VWA8: variants seen among roughly 807,000 people sequenced by gnomAD.
VWA8 encodes the protein von Willebrand factor A domain containing 8.
Under a neutral mutation model 241.5 loss-of-function variants are expected in VWA8, and 221 were observed. That is an observed-to-expected ratio of 0.91 (90% CI 0.82 to 1.02). VWA8 has a LOEUF of 1.02. VWA8 is among the 50% of genes least tolerant of loss of function. The pLI is 0.00. For missense variants in VWA8, 2,322 were observed against 2,328.7 expected (o/e 1.00, Z 0.06); for synonymous variants, 852 against 827.1 (o/e 1.03, Z -0.52).
intron 9 of VWA8, among the ~76,000 whole-genome samples, chr13:41,871,204 A>C (rs1873589850): frequency 6.6e-6 from 1 of 152,244 alleles, no homozygotes; most frequent in African/African-American, 2.4e-5. Context: ...ACTTCCTAGC[A>C]AGAAGTAGAA....
chr13:41,906,187 C>T (rs190073187), intron 4 of VWA8, among the ~76,000 whole-genome samples: 7 of 152,150 alleles, frequency 4.6e-5, no homozygotes, highest in Non-Finnish European at 8.8e-5. Flanking sequence ...ATGTGAATAT[C>T]CTATTCCTCA....
At chr13:41,650,542 ATTCTCCAGTTT>A (rs2044862444) in intron 37 of VWA8, among the ~76,000 whole-genome samples, 1 of 152,242 alleles carries the variant, frequency 6.6e-6, no homozygotes, top group South Asian at 2.1e-4. Context: ...ACTCCAAAGG[ATTCTCCAGTTT>A]TATCATCCCT....
chr13:41,643,505 T>C (rs774641123), intron 37 of VWA8, among the ~76,000 whole-genome samples: 3 of 152,224 alleles, frequency 2.0e-5, no homozygotes, highest in Non-Finnish European at 2.9e-5. Context: ...TTCCTTCTCA[T>C]TGACTGGAGC....
At chr13:41,869,882 C>T (rs1873507796) in intron 9 of VWA8, among the ~76,000 whole-genome samples, 1 of 151,964 alleles carries the variant, frequency 6.6e-6, no homozygotes, top group Non-Finnish European at 1.5e-5. Flanking sequence ...CAGAAATTAA[C>T]CCCCAAAATC....
intron 40 of VWA8, among the ~76,000 whole-genome samples, chr13:41,597,935 C>T (rs12584630): frequency 0.32 from 48,642 of 151,766 alleles, 8,452 homozygotes; most frequent in South Asian, 0.4. Flanking sequence ...CCATCTCTTA[C>T]CATCTCCATG....
At position 41,693,018 on chromosome 13, in the gene VWA8, T is replaced by TC. The variant is rs577156873; in HGVS notation, c.3565-47_3565-46insG. 64 of 1,431,036 alleles carry TC rather than the reference T, an allele frequency of 4.5e-5. 1 individual carries two copies. In the Admixed American group the frequency reaches 1.0e-3, roughly 23 times the overall value. 88.6% of individuals were successfully genotyped at this position (1,431,036 alleles called of 1,614,324 possible). A position where few individuals can be genotyped will look rare whatever the true frequency, so the allele number is the denominator to read the frequency against. Reference sequence around the variant, plus strand: ...GAAAAGCTCAAGATTTGTTCTTTTTTTTTTTTTTTTTAAAGCAGCAACCTC... The same window carrying TC: ...GAAAAGCTCAAGATTTGTTCTTTTTTCTTTTTTTTTTTAAAGCAGCAACCTC... On this transcript the variant is annotated intron_variant, in intron 29 of 44. Transcript: ENST00000379310.
intron 21 of VWA8, among the ~76,000 whole-genome samples, chr13:41,758,436 GTATATATATT>G (rs2045714498): frequency 8.3e-5 from 6 of 72,530 alleles, no homozygotes; most frequent in Non-Finnish European, 1.4e-4. Flanking sequence ...ATATACGCTA[GTATATATATT>G]CCATATATAT....
chr13:41,944,924 C>CA (rs1877782649), intron 2 of VWA8, among the ~76,000 whole-genome samples: 1 of 152,148 alleles, frequency 6.6e-6, no homozygotes, highest in Non-Finnish European at 1.5e-5. Flanking sequence ...AAGACAGAAA[C>CA]AAAAACTGAA....
chr13:41,762,866 G>A (rs1454839261), intron 20 of VWA8, among the ~76,000 whole-genome samples: 1 of 152,122 alleles, frequency 6.6e-6, no homozygotes, highest in Non-Finnish European at 1.5e-5. Context: ...TATTTGTCAA[G>A]TGAATAAACG....
At chr13:41,660,426 C>T (rs541136337) in intron 37 of VWA8, among the ~76,000 whole-genome samples, 5 of 152,184 alleles carry the variant, frequency 3.3e-5, no homozygotes, top group Admixed American at 3.3e-4. Flanking sequence ...AGATGATCAC[C>T]CTTCTTAAAT....
chr13:41,912,819 A>C (rs1876075254), intron 2 of VWA8, among the ~76,000 whole-genome samples: 2 of 152,324 alleles, frequency 1.3e-5, no homozygotes, highest in South Asian at 4.1e-4. Flanking sequence ...CAGGTCTACT[A>C]TTAAATCACC....
Position 41,833,357 on chromosome 13 carries a change from T to G in VWA8, c.1586+14A>C. On this transcript the variant is annotated intron_variant, in intron 13 of 44. Transcript: ENST00000379310. ...GGTGTGTGTCTGTGTGTGATTTTTG[T>G]GACTCATACCCACCTTTGCAATACA... 1 of 1,592,566 alleles carries G rather than the reference T, an allele frequency of 6.3e-7. No homozygotes were observed. The highest frequency in any genetic ancestry group is 1.8e-5 in the Admixed American group (1 of 56,106).
At chr13:41,572,341 CG>C (rs1593622210) in intron 43 of VWA8, among the ~76,000 whole-genome samples, 1 of 152,194 alleles carries the variant, frequency 6.6e-6, no homozygotes, top group South Asian at 2.1e-4. Flanking sequence ...ATGACGATGG[CG>C]GCTTTGTCGA....
intron 38 of VWA8, among the ~76,000 whole-genome samples, chr13:41,614,501 G>A (rs1367777292): frequency 6.6e-6 from 1 of 152,192 alleles, no homozygotes; most frequent in East Asian, 1.9e-4. Context: ...AACGTACTTC[G>A]AAGATGTGGA....
chr13:41,711,913 T>C (rs78158417), intron 26 of VWA8, among the ~76,000 whole-genome samples: 2,701 of 151,506 alleles, frequency 0.018, 53 homozygotes, highest in Non-Finnish European at 0.025. Flanking sequence ...ATTGTTCTAT[T>C]CATTTTGAAG....
intron 20 of VWA8, among the ~76,000 whole-genome samples, chr13:41,765,025 T>TATTTAAGAG (rs2045769840): frequency 6.6e-6 from 1 of 151,912 alleles, no homozygotes; most frequent in Admixed American, 6.6e-5. Context: ...GAGAAATGAA[T>TATTTAAGAG]ATATTTAAGA....
chr13:41,690,559 T>G (rs1170410222), intron 32 of VWA8, among the ~76,000 whole-genome samples: 1 of 152,114 alleles, frequency 6.6e-6, no homozygotes, highest in African/African-American at 2.4e-5. Context: ...TGCACTCTTA[T>G]TATCATGTAA....
intron 15 of VWA8, among the ~76,000 whole-genome samples, chr13:41,817,333 A>AT (rs1462736923): frequency 1.3e-5 from 2 of 152,178 alleles, no homozygotes; most frequent in Non-Finnish European, 2.9e-5. Context: ...CGGAAGAGCA[A>AT]TTGCCCAAAT....
Position 41,746,457 on chromosome 13 carries a change from C to T in VWA8, c.2427-14302G>A, listed in dbSNP as rs1331039. On this transcript the variant is annotated intron_variant, in intron 21 of 44. Coordinates refer to ENST00000379310, the MANE Select transcript of VWA8 (RefSeq NM_015058.2). ...AGTCTGTAGCTCTGACTCATCAAAT[C>T]CATAACCCACAAATTAGATGACAGG... Among the ~76,000 whole-genome samples, 722 of 152,244 alleles carry T rather than the reference C, an allele frequency of 4.7e-3. 2 individuals are homozygous for T. The highest frequency in any genetic ancestry group is 0.016 in the African/African-American group (666 of 41,544).
Sources: gnomAD v4.1 joint callset for allele counts (sites outside exome capture counted in the v4.1 genomes callset) on GRCh38, gnomAD v4.1.1 for gene constraint, MANE v1.5 for transcripts, NCBI Gene and HGNC (gene_info 2026-07-23, HGNC 2026-07-21) for gene names.